The following LSM14B variants were observed in gnomAD, a reference collection of about 807,000 sequenced individuals.
The protein encoded by LSM14B is protein LSM14 homolog B.
LSM14B carries 8 observed loss-of-function variants against 42.1 expected under a neutral mutation model. The ratio of observed to expected loss-of-function variants is 0.19; its 90% CI spans 0.11 to 0.34. The LOEUF (loss-of-function observed/expected upper bound fraction) is 0.34. LSM14B is among the 10% of genes least tolerant of loss of function. The probability of loss-of-function intolerance (pLI) is 1.00; values close to 1 mark genes in which losing one functional copy is unlikely to be tolerated. For synonymous variants in LSM14B, 219 were observed against 209.7 expected, an observed-to-expected ratio of 1.04 and a Z score of -0.38; for missense variants, 396 against 513.1, an observed-to-expected ratio of 0.77 and a Z score of 2.21.
chr20:62,126,145 C>A, intron 2 of LSM14B, 159 bp from the exon 3 acceptor site: 3 of 936,274 alleles, frequency 3.2e-6, no homozygotes, highest in Non-Finnish European at 5.0e-6. Flanking sequence ...AGGCAGCTCT[C>A]ACCATACTGG....
At chr20:62,132,658 TGAACACG>T (rs2056799341) in intron 7 of LSM14B, among the ~76,000 whole-genome samples, 1 of 152,212 alleles carries the variant, frequency 6.6e-6, no homozygotes, top group South Asian at 2.1e-4. Context: ...GCTGTTTCTT[TGAACACG>T]GAAGTCTGTG....
Position 62,134,650 on chromosome 20 carries a change from G to T in LSM14B, c.*502G>T, listed in dbSNP as rs904486622. 6.3e-6 allele frequency: 1 copy of T among 159,590 alleles called. No homozygotes were observed. 9.9% of individuals were successfully genotyped at this position (159,590 alleles called of 1,614,324 possible). On this transcript the variant is annotated 3_prime_UTR_variant, in exon 9 of 9. Coordinates refer to ENST00000279068, the MANE Select transcript of LSM14B (RefSeq NM_144703.3). ...TCAGGCAGGGCCAGCACAGGGTGGC[G>T]TGGGGGGCAGGGGTGGGTGGGTGGA...
intron 2 of LSM14B, among the ~76,000 whole-genome samples, chr20:62,125,377 C>A (rs1214878814): frequency 6.6e-6 from 1 of 152,114 alleles, no homozygotes; most frequent in Non-Finnish European, 1.5e-5. Flanking sequence ...TGCTCCTGGA[C>A]CTGTGATGTT....
chr20:62,124,132 G>T (rs1374481924), intron 1 of LSM14B, among the ~76,000 whole-genome samples: 1 of 152,218 alleles, frequency 6.6e-6, no homozygotes, highest in African/African-American at 2.4e-5. Flanking sequence ...TTTGTTTTCT[G>T]TTACAGCTGT....
At position 62,130,936 on chromosome 20, in the gene LSM14B, C is replaced by T. The variant is rs766187773; in HGVS notation, c.835+245C>T. Among the ~76,000 whole-genome samples, 8 of 152,066 alleles carry T rather than the reference C, an allele frequency of 5.3e-5. No homozygotes were observed. Among genetic ancestry groups the T allele is most frequent in the East Asian group, 1.9e-4 (1 of 5,184 alleles). On this transcript the variant is annotated intron_variant, in intron 6 of 8. Coordinates refer to ENST00000279068, the MANE Select transcript of LSM14B (RefSeq NM_144703.3). This position sits in a 1 kb window ranked among gnomAD's most constrained non-coding sequence, Gnocchi z 4.1. ...GTGGGCGCCTGTAATCCCAGCTACT[C>T]GGGAGACTGAGACAGGAGAATCGTT...
At position 62,124,800 on chromosome 20, in the gene LSM14B, T is replaced by G; in HGVS notation, c.291+20T>G. On this transcript the variant is annotated intron_variant, in intron 2 of 8. Transcript: ENST00000279068. ...GTTCAGGTAAGTGTGCCACTGTCCC[T>G]CTGTGCATGCTGTAGGAGATGCTGG... 6.2e-7 allele frequency: 1 copy of G among 1,607,278 alleles called. No individual in the cohort carries two copies. The highest frequency in any genetic ancestry group is 1.7e-5 in the Admixed American group (1 of 59,380).
chr20:62,125,028 G>A (rs1184389305), intron 2 of LSM14B, among the ~76,000 whole-genome samples: 1 of 152,014 alleles, frequency 6.6e-6, no homozygotes, highest in Non-Finnish European at 1.5e-5. Context: ...CTACAGGGAC[G>A]CACCACCATG....
chr20:62,128,381 G>C (rs1305059365), intron 3 of LSM14B, among the ~76,000 whole-genome samples: 1 of 152,240 alleles, frequency 6.6e-6, no homozygotes, highest in Admixed American at 6.5e-5. Context: ...CCTGGTCCAG[G>C]TTGATGCCTG....
intron 2 of LSM14B, among the ~76,000 whole-genome samples, chr20:62,125,661 T>C (rs1285635433): frequency 6.6e-6 from 1 of 152,204 alleles, no homozygotes; most frequent in Non-Finnish European, 1.5e-5. Context: ...TCCTCTGGGG[T>C]TCAGACTGCA....
rs1175793236 is a variant in LSM14B, at chr20:62,129,100, G to A, written c.428-685G>A. Reference sequence around the variant, plus strand: ...GTTTCTGAGGGTTCATCCCCTGTGCGTGGGCCTCGGACTGCAGTTTCATAG... The same window carrying A: ...GTTTCTGAGGGTTCATCCCCTGTGCATGGGCCTCGGACTGCAGTTTCATAG... On this transcript the variant is annotated intron_variant, in intron 3 of 8. Transcript: ENST00000279068. 9.4e-6 allele frequency: 9 copies of A among 954,604 alleles called. No homozygotes were observed. The East Asian group carries it at 1.8e-4, about 19-fold the overall frequency. The allele number at this position is 954,604 out of a possible 1,614,324, so 59.1% of individuals were successfully genotyped here.
At chr20:62,133,860 G>A (rs376967044) in intron 8 of LSM14B, among the ~76,000 whole-genome samples, 20 of 152,382 alleles carry the variant, frequency 1.3e-4, no homozygotes, top group African/African-American at 4.3e-4. Flanking sequence ...CCAGGTCCCA[G>A]TGGATTTGTG....
At chr20:62,125,338 CGT>C (rs989484905) in intron 2 of LSM14B, among the ~76,000 whole-genome samples, 2 of 152,124 alleles carry the variant, frequency 1.3e-5, no homozygotes, top group Admixed American at 6.6e-5. Context: ...TGCATGTGCG[CGT>C]GTGTAGTGTA....
chr20:62,122,507 C>T lies in LSM14B; in HGVS notation c.-160C>T, dbSNP rs1176348433. ...CGCCCCTTCTTGGTTCGCTCGGTGC[C>T]CGCGCAGGCCCCTCGGGCGGTGGCG... On this transcript the variant is annotated 5_prime_UTR_variant, in exon 1 of 9. Coordinates refer to ENST00000279068, the MANE Select transcript of LSM14B (RefSeq NM_144703.3). This position sits in a 1 kb window ranked among gnomAD's most constrained non-coding sequence, Gnocchi z 4.6. The T allele has an allele frequency of 7.5e-6, 3 of 402,370 alleles. No homozygotes were observed. The highest frequency in any genetic ancestry group is 6.5e-5 in the Admixed American group (1 of 15,424). The allele number at this position is 402,370 out of a possible 1,614,324, so 24.9% of individuals were successfully genotyped here.
intron 6 of LSM14B, among the ~76,000 whole-genome samples, chr20:62,131,094 A>G (rs778565322): frequency 6.6e-6 from 1 of 152,162 alleles, no homozygotes; most frequent in African/African-American, 2.4e-5. Context: ...TGCCAGGCGG[A>G]TGGTGACCGG....
chr20:62,135,161 C>CTGAG lies in LSM14B; in HGVS notation c.*1017_*1020dup, dbSNP rs1180356441. 1 of 152,174 alleles carries CTGAG rather than the reference C, an allele frequency of 6.6e-6. No homozygotes were observed. Among genetic ancestry groups the CTGAG allele is most frequent in the Non-Finnish European group, 1.5e-5 (1 of 68,036 alleles). The allele number at this position is 152,174 out of a possible 1,614,324, so 9.4% of individuals were successfully genotyped here. On this transcript the variant is annotated 3_prime_UTR_variant, in exon 9 of 9. Transcript: ENST00000279068. Reference sequence around the variant, plus strand: ...GAACTTTAGTATACGCATGCGTCCTCTGAGTGACAGGGCATTTTGTCGAAA... The same window carrying CTGAG: ...GAACTTTAGTATACGCATGCGTCCTCTGAGTGAGTGACAGGGCATTTTGTCGAAA...
rs190501718 is a variant in LSM14B, at chr20:62,126,624, G to A, written c.427+185G>A. Among the ~76,000 whole-genome samples the A allele has an allele frequency of 1.3e-3, 203 of 152,350 alleles. 1 individual carries two copies. Among genetic ancestry groups the A allele is most frequent in the Non-Finnish European group, 2.2e-3 (152 of 68,034 alleles). Reference sequence around the variant, plus strand: ...GAGAGCATTTAGTAACTACTCAACTGAAAGTAAAAGAGGCAGCAGCCTGAG... The same window carrying A: ...GAGAGCATTTAGTAACTACTCAACTAAAAGTAAAAGAGGCAGCAGCCTGAG... On this transcript the variant is annotated intron_variant, in intron 3 of 8. Transcript: ENST00000279068.
intron 3 of LSM14B, among the ~76,000 whole-genome samples, chr20:62,126,791 G>T (rs2056620656): frequency 6.6e-6 from 1 of 152,206 alleles, no homozygotes; most frequent in South Asian, 2.1e-4. Flanking sequence ...AAGGTCAGGA[G>T]TTCGAGACCA....
intron 3 of LSM14B, among the ~76,000 whole-genome samples, chr20:62,128,281 CT>C (rs2056662124): frequency 6.6e-6 from 1 of 152,208 alleles, no homozygotes; most frequent in South Asian, 2.1e-4. Context: ...CTCATTTCCC[CT>C]GAAGTTCTAA....
At chr20:62,126,108 G>A in intron 2 of LSM14B, 196 bp from the exon 3 acceptor site, 2 of 699,222 alleles carry the variant, frequency 2.9e-6, no homozygotes, top group African/African-American at 1.8e-5. Flanking sequence ...ATGGACAGGT[G>A]AAACTGGAAC....
Sources: allele counts gnomAD v4.1 joint callset (sites outside exome capture counted in the v4.1 genomes callset), GRCh38; gene constraint gnomAD v4.1.1; non-coding constraint Gnocchi (gnomAD v3.1); transcripts MANE v1.5; gene names NCBI Gene and HGNC (gene_info 2026-07-23, HGNC 2026-07-21).